The following PPARD variants were observed in gnomAD, a reference collection of about 807,000 sequenced individuals.
The protein encoded by PPARD is peroxisome proliferator activated receptor delta, also known as peroxisome proliferator-activated receptor delta.
PPARD carries 6 observed loss-of-function variants against 39.5 expected under a neutral mutation model. The ratio of observed to expected loss-of-function variants is 0.15; its 90% CI spans 0.08 to 0.30. The LOEUF (loss-of-function observed/expected upper bound fraction) is 0.30. Ranked by LOEUF, PPARD falls within the 10% of genes least tolerant of loss-of-function variation. The probability of loss-of-function intolerance (pLI) is 1.00; values close to 1 mark genes in which losing one functional copy is unlikely to be tolerated. For missense variants in PPARD, 397 were observed against 596.8 expected, an observed-to-expected ratio of 0.67 and a Z score of 3.49; for synonymous variants, 210 against 231.3, an observed-to-expected ratio of 0.91 and a Z score of 0.83.
intron 2 of PPARD, among the ~76,000 whole-genome samples, chr6:35,380,759 G>A (rs1424466562): frequency 6.6e-6 from 1 of 152,068 alleles, no homozygotes; most frequent in Admixed American, 6.5e-5. Context: ...CTCCCAAAGT[G>A]CTGGGATTAC....
chr6:35,408,021 C>T (rs1765168577), intron 2 of PPARD, among the ~76,000 whole-genome samples: 1 of 152,168 alleles, frequency 6.6e-6, no homozygotes, highest in Admixed American at 6.5e-5. Context: ...ATTTTTTCAC[C>T]TAACAAGCAG....
At chr6:35,394,229 C>T (rs1562202519) in intron 2 of PPARD, among the ~76,000 whole-genome samples, 1 of 152,156 alleles carries the variant, frequency 6.6e-6, no homozygotes, top group Admixed American at 6.5e-5. Flanking sequence ...GTCGCGGATG[C>T]GCAGCTCGGC....
rs551946022 is a variant in PPARD at position 35,365,130 on chromosome 6, C to CTTTTTTTTTTT, written c.-102+17990_-102+18000dup. On this transcript the variant is annotated intron_variant, in intron 2 of 7. Transcript: ENST00000360694. ...ACCAGACATGTAGAGCTTCCTTATT[C>CTTTTTTTTTTT]TTTTTTTTTTTTTTTTTTTTGAGAT... Among the ~76,000 whole-genome samples, 48 of 121,068 alleles carry CTTTTTTTTTTT rather than the reference C, an allele frequency of 4.0e-4. 1 individual carries two copies. Among genetic ancestry groups the CTTTTTTTTTTT allele is most frequent in the African/African-American group, 1.0e-3 (29 of 29,080 alleles). The allele number at this position is 121,068 out of a possible 152,430, so 79.4% of individuals were successfully genotyped here. A position where few individuals can be genotyped will look rare whatever the true frequency, so the allele number is the denominator to read the frequency against.
intron 2 of PPARD, among the ~76,000 whole-genome samples, chr6:35,386,000 G>A (rs1339863264): frequency 2.0e-5 from 3 of 152,212 alleles, no homozygotes; most frequent in Non-Finnish European, 4.4e-5. Context: ...AGGGAAGGGC[G>A]ATCCTTATGA....
chr6:35,405,447 G>A (rs886653229), intron 2 of PPARD, among the ~76,000 whole-genome samples: 1 of 152,024 alleles, frequency 6.6e-6, no homozygotes, highest in African/African-American at 2.4e-5. Flanking sequence ...GTGTTGTCTG[G>A]GGGTCTGAAG....
intron 2 of PPARD, among the ~76,000 whole-genome samples, chr6:35,379,153 G>T (rs1762989554): frequency 6.6e-6 from 1 of 150,970 alleles, no homozygotes; most frequent in African/African-American, 2.4e-5. Context: ...GCCCAGGCTG[G>T]AGTGCAATGG....
intron 2 of PPARD, among the ~76,000 whole-genome samples, chr6:35,384,235 G>C (rs1210159671): frequency 7.5e-5 from 10 of 132,554 alleles, no homozygotes; most frequent in East Asian, 7.4e-4. Flanking sequence ...CCCCCCGCCC[G>C]GCCAGCCGCC....
chr6:35,415,827 C>T (rs1030028332), intron 3 of PPARD, among the ~76,000 whole-genome samples: 1 of 118,636 alleles, frequency 8.4e-6, no homozygotes, highest in Non-Finnish European at 1.6e-5. Flanking sequence ...TGTGTTTTAA[C>T]GAATTGGTTC....
chr6:35,359,158 C>G (rs1380761422), intron 2 of PPARD, among the ~76,000 whole-genome samples: 20 of 152,134 alleles, frequency 1.3e-4, no homozygotes, highest in Admixed American at 1.2e-3. Context: ...AGCGAGGAGG[C>G]CAGCGTGGCT....
intron 2 of PPARD, among the ~76,000 whole-genome samples, chr6:35,357,942 T>G (rs557426057): frequency 2.0e-3 from 303 of 152,336 alleles, no homozygotes; most frequent in African/African-American, 6.9e-3. Flanking sequence ...ACCAGGGATC[T>G]GAACTGTGTT....
At chr6:35,405,519 G>C (rs1239316836) in intron 2 of PPARD, among the ~76,000 whole-genome samples, 1 of 151,796 alleles carries the variant, frequency 6.6e-6, no homozygotes, top group Non-Finnish European at 1.5e-5. Flanking sequence ...CTCTGGCATA[G>C]TGCTGGGGCG....
Position 35,424,899 on chromosome 6 carries a change from G to T in PPARD, c.1078+120G>T. ...TGTGGGGAAGTGTCCCTGTGATCTT[G>T]GCAGTGGAACATGCAAGGCACTGAC... On this transcript the variant is annotated intron_variant, in intron 7 of 7. Coordinates refer to ENST00000360694, the MANE Select transcript of PPARD (RefSeq NM_006238.5). The surrounding 1 kb of genome is among the most constrained non-coding windows in gnomAD (Gnocchi z 7.1). The T allele has an allele frequency of 6.8e-7, 1 of 1,469,990 alleles. No individual in the cohort carries two copies. The highest frequency in any genetic ancestry group is 9.0e-7 in the Non-Finnish European group (1 of 1,113,770). 91.1% of individuals were successfully genotyped at this position (1,469,990 alleles called of 1,614,324 possible). A position where few individuals can be genotyped will look rare whatever the true frequency, so the allele number is the denominator to read the frequency against.
intron 1 of PPARD, among the ~76,000 whole-genome samples, chr6:35,343,707 A>G (rs550127075): frequency 1.3e-5 from 2 of 152,360 alleles, no homozygotes; most frequent in East Asian, 3.9e-4. Context: ...GTTGACTTCC[A>G]GGAACCCTTG....
At position 35,395,082 on chromosome 6, in the gene PPARD, C is replaced by T. The variant is rs139495314; in HGVS notation, c.-101-15905C>T. On this transcript the variant is annotated intron_variant, in intron 2 of 7. Coordinates refer to ENST00000360694, the MANE Select transcript of PPARD (RefSeq NM_006238.5). ...CACTGTAGCCCACTTGCTGTCTTCG[C>T]ACCTTGGGACAGAGAGGGGGGTGCC... Among the ~76,000 whole-genome samples the T allele has an allele frequency of 3.1e-3, 474 of 152,268 alleles. 5 individuals carry two copies. Among genetic ancestry groups the T allele is most frequent in the African/African-American group, 0.01 (434 of 41,548 alleles).
intron 2 of PPARD, among the ~76,000 whole-genome samples, chr6:35,377,871 C>CTTTTT (rs540687692): frequency 3.3e-5 from 4 of 120,364 alleles, no homozygotes; most frequent in African/African-American, 1.8e-4. Context: ...GTTTACGTAT[C>CTTTTT]TTTTTTTTTT....
intron 2 of PPARD, among the ~76,000 whole-genome samples, chr6:35,396,440 G>A (rs1342217611): frequency 1.3e-5 from 2 of 149,674 alleles, no homozygotes; most frequent in African/African-American, 2.5e-5. Context: ...TCCTGACCTC[G>A]TGATCCACAC....
intron 2 of PPARD, 28 bp from the exon 3 acceptor site, chr6:35,410,959 A>G: frequency 7.9e-7 from 1 of 1,262,584 alleles, no homozygotes; most frequent in Non-Finnish European, 1.0e-6. Flanking sequence ...GCCTCCCCTG[A>G]CCTCTTCCTG....
At chr6:35,396,866 G>A (rs1180988709) in intron 2 of PPARD, among the ~76,000 whole-genome samples, 7 of 152,044 alleles carry the variant, frequency 4.6e-5, no homozygotes, top group Non-Finnish European at 8.8e-5. Flanking sequence ...TTTCTGTGTT[G>A]CCCAGGGTGG....
Position 35,363,140 on chromosome 6 carries a change from C to T in PPARD, c.-102+15990C>T, listed in dbSNP as rs1762013462. Among the ~76,000 whole-genome samples, 1 of 152,158 alleles carries T rather than the reference C, an allele frequency of 6.6e-6. No homozygotes were observed. The highest frequency in any genetic ancestry group is 2.1e-4 in the South Asian group (1 of 4,830). On this transcript the variant is annotated intron_variant, in intron 2 of 7. Transcript: ENST00000360694. This position sits in a 1 kb window ranked among gnomAD's most constrained non-coding sequence, Gnocchi z 4.5. The stretch of plus-strand genomic sequence containing the variant: ...GTATTTTGTGGGGAACAAGCTATGC[C>T]TTCCTGTCACTTCTTACAGAATAAA...
Sources: allele counts gnomAD v4.1 joint callset (sites outside exome capture counted in the v4.1 genomes callset), GRCh38; gene constraint gnomAD v4.1.1; non-coding constraint Gnocchi (gnomAD v3.1); transcripts MANE v1.5; gene names NCBI Gene and HGNC (gene_info 2026-07-23, HGNC 2026-07-21).